CEP19: variants seen among roughly 807,000 people sequenced by gnomAD.
CEP19 encodes the protein centrosomal protein 19.
CEP19 carries 14 observed loss-of-function variants against 17.5 expected under a neutral mutation model. That is an observed-to-expected ratio of 0.80 (90% CI 0.53 to 1.25). The LOEUF is 1.25. Among genes scored for constraint, CEP19 ranks in the 50% most tolerant of loss-of-function variants. The probability of loss-of-function intolerance (pLI) is 0.00; values close to 1 mark genes in which losing one functional copy is unlikely to be tolerated. For missense variants in CEP19, 193 were observed against 192.0 expected (o/e 1.01, Z -0.03); for synonymous variants, 59 against 65.5 (o/e 0.90, Z 0.48).
At chr3:196,709,455 C>T (rs535139913) in intron 1 of CEP19, among the ~76,000 whole-genome samples, 1 of 152,312 alleles carries the variant, frequency 6.6e-6, no homozygotes, top group African/African-American at 2.4e-5. Context: ...ACGTAGTGGG[C>T]ATTCCATACA....
At chr3:196,711,588 T>G (rs1186480468) in intron 1 of CEP19, among the ~76,000 whole-genome samples, 1 of 152,214 alleles carries the variant, frequency 6.6e-6, no homozygotes, top group Non-Finnish European at 1.5e-5. Flanking sequence ...GCTGGGGCTA[T>G]AGGCGTGAGC....
In CEP19 at chr3:196,707,936, T is replaced by C; in HGVS notation, c.131-24A>G. 2.5e-6 allele frequency: 4 copies of C among 1,597,712 alleles called. 1 individual carries two copies. The highest frequency in any genetic ancestry group is 2.2e-5 in the South Asian group (2 of 90,140). ...ATCTGGGAGAGAGAAGAAAACTATA[T>C]ACCACATACGTACCACGTACATCAT... On this transcript the variant is annotated intron_variant, in intron 2 of 2. Coordinates refer to ENST00000409690, the MANE Select transcript of CEP19 (RefSeq NM_032898.5).
rs1711566688 is a variant in CEP19, at chr3:196,707,585, C to T, written c.458G>A (p.Cys153Tyr). ...ATCAGCTGACTCTGTGTCCCAGCCA[C>T]AGGACTGCAGTTGATCGTCCTGTGG... is the stretch of plus-strand genomic sequence containing the variant. ...EFPQDDQLQSCGWDTESADEF is the reference protein window; with the variant it reads ...EFPQDDQLQSYGWDTESADEF Residue 153 changes from cysteine (C) to tyrosine (Y), a missense_variant, in exon 3 of 3, where the codon TGT becomes TAT. Cys to Tyr is a radical substitution (Grantham distance 194). Transcript: ENST00000409690. The T allele has an allele frequency of 6.2e-7, 1 of 1,612,484 alleles. No homozygotes were observed. The highest frequency in any genetic ancestry group is 1.1e-5 in the South Asian group (1 of 90,990).
In CEP19 at chr3:196,707,425, G is replaced by T; in HGVS notation, c.*126C>A. On this transcript the variant is annotated 3_prime_UTR_variant, in exon 3 of 3. Transcript: ENST00000409690. ...TAGATGCTTTAAATGTCCTGGTTTT[G>T]AAAAGTAACATGGTCAATCCCCTAT... 9.4e-7 allele frequency: 1 copy of T among 1,068,744 alleles called. No individual in the cohort carries two copies. Among genetic ancestry groups the T allele is most frequent in the Non-Finnish European group, 1.3e-6 (1 of 744,168 alleles). The allele number at this position is 1,068,744 out of a possible 1,614,324, so 66.2% of individuals were successfully genotyped here.
At chr3:196,707,971 A>C in intron 2 of CEP19, 59 bp from the exon 3 acceptor site, 1 of 1,524,664 alleles carries the variant, frequency 6.6e-7, no homozygotes, top group East Asian at 2.3e-5. Flanking sequence ...TATACGCCAT[A>C]AACTACTGCA....
chr3:196,706,412 G>A lies in CEP19; in HGVS notation c.*1139C>T, dbSNP rs1480952714. ...TGTTGTTAAACGAAGATGCTGTCTTGCAGATCCATTCATGAACAGGCCTAA... is the reference window on the plus strand; with the variant it reads ...TGTTGTTAAACGAAGATGCTGTCTTACAGATCCATTCATGAACAGGCCTAA... On this transcript the variant is annotated 3_prime_UTR_variant, in exon 3 of 3. Coordinates refer to ENST00000409690, the MANE Select transcript of CEP19 (RefSeq NM_032898.5). 2.6e-5 allele frequency: 4 copies of A among 152,214 alleles called. No individual in the cohort carries two copies. The highest frequency in any genetic ancestry group is 6.5e-5 in the Admixed American group (1 of 15,286). 9.4% of individuals were successfully genotyped at this position (152,214 alleles called of 1,614,324 possible).
chr3:196,707,915 G>A lies in CEP19; in HGVS notation c.131-3C>T, dbSNP rs1711588504. The A allele has an allele frequency of 1.2e-6, 2 of 1,606,752 alleles. No individual in the cohort carries two copies. Among genetic ancestry groups the A allele is most frequent in the Non-Finnish European group, 1.7e-6 (2 of 1,179,134 alleles). ...TTGTTCAGCAGCTCTGGTGCAATCT[G>A]GGAGAGAGAAGAAAACTATATACCA... On this transcript the variant is annotated splice_region_variant and splice_polypyrimidine_tract_variant and intron_variant, in intron 2 of 2. Transcript: ENST00000409690.
intron 1 of CEP19, 67 bp downstream of exon 1, chr3:196,711,862 T>C (rs538873124): frequency 4.3e-5 from 31 of 716,808 alleles, no homozygotes; most frequent in African/African-American, 4.0e-4. Flanking sequence ...AGGGTACGAA[T>C]GTCCCCAAAG....
rs183474903 is a variant in CEP19, at chr3:196,706,525, C to T, written c.*1026G>A. ...ATTTATGGGAAGAGGTTCAGCGTTT[C>T]GCAATGTCTTTAGTATGTATTTCCC... On this transcript the variant is annotated 3_prime_UTR_variant, in exon 3 of 3. Coordinates refer to ENST00000409690, the MANE Select transcript of CEP19 (RefSeq NM_032898.5). The T allele has an allele frequency of 4.6e-5, 7 of 152,240 alleles. No homozygotes were observed. Among genetic ancestry groups the T allele is most frequent in the Admixed American group, 1.3e-4 (2 of 15,282 alleles). The allele number at this position is 152,240 out of a possible 1,614,324, so 9.4% of individuals were successfully genotyped here. A position where few individuals can be genotyped will look rare whatever the true frequency, so the allele number is the denominator to read the frequency against.
At position 196,707,713 on chromosome 3, in the gene CEP19, G is replaced by C. The variant is rs909639081; in HGVS notation, c.330C>G (p.Asp110Glu). 2 of 1,614,074 alleles carry C rather than the reference G, an allele frequency of 1.2e-6. No individual in the cohort carries two copies. The highest frequency in any genetic ancestry group is 2.7e-5 in the African/African-American group (2 of 75,002). ...TGCTCTTTCTTTTGGCAAGCTCCTT[G>C]TCATCTAGTTTGTTCAGGTCTTCCT... ...DPEEDLNKLD[D>E]KELAKRKSIM... The change falls in exon 3 of 3, where the codon GAC becomes GAG. Residue 110 changes from aspartate to glutamate, a missense_variant. Asp to Glu is a conservative substitution (Grantham distance 45). Transcript: ENST00000409690.
rs756368637 is a variant in CEP19, at chr3:196,711,932, T to G, written c.-74A>C. On this transcript the variant is annotated 5_prime_UTR_variant, in exon 1 of 3. Coordinates refer to ENST00000409690, the MANE Select transcript of CEP19 (RefSeq NM_032898.5). ...AGTGCAAGGCTGGCTTTCTTACCCT[T>G]AGAGGAATACAGAAATGACATCGTC... is the stretch of plus-strand genomic sequence containing the variant. 2 of 717,474 alleles carry G rather than the reference T, an allele frequency of 2.8e-6. No homozygotes were observed. 44.4% of individuals were successfully genotyped at this position (717,474 alleles called of 1,614,324 possible).
chr3:196,711,025 C>T (rs1021590972), intron 1 of CEP19, among the ~76,000 whole-genome samples: 2 of 149,822 alleles, frequency 1.3e-5, no homozygotes, highest in African/African-American at 4.9e-5. Flanking sequence ...AAACTACAAC[C>T]TACGGGGCAC....
Position 196,707,372 on chromosome 3 carries a change from T to C in CEP19, c.*179A>G. The stretch of plus-strand genomic sequence containing the variant: ...AAAGGCAGATTCCTTTATTCTGTTT[T>C]TCCCATACTCCTCATGCACCTACAT... On this transcript the variant is annotated 3_prime_UTR_variant, in exon 3 of 3. Coordinates refer to ENST00000409690, the MANE Select transcript of CEP19 (RefSeq NM_032898.5). 1 of 663,300 alleles carries C rather than the reference T, an allele frequency of 1.5e-6. No homozygotes were observed. The highest frequency in any genetic ancestry group is 2.7e-5 in the East Asian group (1 of 36,506). 41.1% of individuals were successfully genotyped at this position (663,300 alleles called of 1,614,324 possible).
intron 1 of CEP19, among the ~76,000 whole-genome samples, chr3:196,710,842 TAA>T (rs71161953): frequency 0.09 from 8,856 of 97,906 alleles, 699 homozygotes; most frequent in East Asian, 0.47. Flanking sequence ...CGCCTATTCT[TAA>T]AAAAAAAAAA....
In CEP19 at chr3:196,706,946, T is replaced by C. The variant is rs1363206302; in HGVS notation, c.*605A>G. 4 of 152,248 alleles carry C rather than the reference T, an allele frequency of 2.6e-5. No homozygotes were observed. Among genetic ancestry groups the C allele is most frequent in the African/African-American group, 9.7e-5 (4 of 41,414 alleles). The allele number at this position is 152,248 out of a possible 1,614,324, so 9.4% of individuals were successfully genotyped here. On this transcript the variant is annotated 3_prime_UTR_variant, in exon 3 of 3. Transcript: ENST00000409690. ...CTCTGGCCTTCTTTAGCCTTTATCA[T>C]GCATTTGGCACTAATGTTTGTGTTG...
Position 196,711,118 on chromosome 3 carries a change from T to G in CEP19, c.-71+811A>C, listed in dbSNP as rs184832679. ...TACTCAAATAATGTAGTTTTTTTTT[T>G]ACTAGACTCTTTTTAAAATTTAACT... On this transcript the variant is annotated intron_variant, in intron 1 of 2. Transcript: ENST00000409690. 2.3e-3 allele frequency among the ~76,000 whole-genome samples: 342 copies of G among 151,946 alleles called. 4 individuals carry two copies. The highest frequency in any genetic ancestry group is 0.02 in the East Asian group (105 of 5,180).
rs7646550 is a variant in CEP19, at chr3:196,706,550, C to T, written c.*1001G>A. The T allele has an allele frequency of 0.31, 46,549 of 151,930 alleles. 7,388 individuals carry two copies. Among genetic ancestry groups the T allele is most frequent in the Non-Finnish European group, 0.33 (22,632 of 67,954 alleles). The allele number at this position is 151,930 out of a possible 1,614,324, so 9.4% of individuals were successfully genotyped here. A position where few individuals can be genotyped will look rare whatever the true frequency, so the allele number is the denominator to read the frequency against. Reference sequence around the variant, plus strand: ...CGCAATGTCTTTAGTATGTATTTCCCGATACCGGAGGGGCAGAATTCCCCC... The same window carrying T: ...CGCAATGTCTTTAGTATGTATTTCCTGATACCGGAGGGGCAGAATTCCCCC... On this transcript the variant is annotated 3_prime_UTR_variant, in exon 3 of 3. Transcript: ENST00000409690.
At chr3:196,710,610 A>G (rs1259683115) in intron 1 of CEP19, among the ~76,000 whole-genome samples, 2 of 151,734 alleles carry the variant, frequency 1.3e-5, no homozygotes, top group Non-Finnish European at 2.9e-5. Context: ...GGCCAAGGAG[A>G]GGAGATACCT....
chr3:196,712,030 G>A lies in CEP19; in HGVS notation c.-172C>T. On this transcript the variant is annotated 5_prime_UTR_variant, in exon 1 of 3. Coordinates refer to ENST00000409690, the MANE Select transcript of CEP19 (RefSeq NM_032898.5). ...GCAGTGCACGCAAAGCCCCTAAGCCGACTGTGAGACCGGGCGGAGCCTGGC... is the reference window on the plus strand; with the variant it reads ...GCAGTGCACGCAAAGCCCCTAAGCCAACTGTGAGACCGGGCGGAGCCTGGC... 1 of 715,394 alleles carries A rather than the reference G, an allele frequency of 1.4e-6. No homozygotes were observed. Among genetic ancestry groups the A allele is most frequent in the South Asian group, 1.5e-5 (1 of 67,436 alleles). The allele number at this position is 715,394 out of a possible 1,614,324, so 44.3% of individuals were successfully genotyped here.
Sources: allele counts gnomAD v4.1 joint callset (sites outside exome capture counted in the v4.1 genomes callset), GRCh38; gene constraint gnomAD v4.1.1; transcripts MANE v1.5; gene names NCBI Gene and HGNC (gene_info 2026-07-23, HGNC 2026-07-21).